The following USP37 variants were observed in gnomAD, a reference collection of about 807,000 sequenced individuals.
USP37 encodes ubiquitin carboxyl-terminal hydrolase 37.
A neutral mutation model predicts 124.0 loss-of-function variants in USP37; 27 were observed. The observed-to-expected ratio is 0.22, with a 90% CI of 0.16 to 0.30. The LOEUF is 0.30. Among genes scored for constraint, USP37 ranks in the 10% least tolerant of loss-of-function variants. The probability of loss-of-function intolerance (pLI) is 1.00; values close to 1 mark genes in which losing one functional copy is unlikely to be tolerated. For missense variants in USP37, 889 were observed against 1,140.4 expected (o/e 0.78, Z 3.17); for synonymous variants, 365 against 388.0 (o/e 0.94, Z 0.70).
chr2:218,457,283 A>G (rs550116617), intron 23 of USP37, 122 bp from the exon 24 acceptor site: 111 of 947,986 alleles, frequency 1.2e-4, no homozygotes, highest in Non-Finnish European at 1.7e-4. Flanking sequence ...GTAAGAATCA[A>G]TTAAAAAATC....
intron 21 of USP37, 125 bp downstream of exon 21, chr2:218,465,885 T>C (rs1387446663): frequency 8.0e-6 from 10 of 1,252,102 alleles, no homozygotes; most frequent in Non-Finnish European, 1.1e-5. Flanking sequence ...CCCCAATGAC[T>C]TACTCTATGT....
intron 1 of USP37, among the ~76,000 whole-genome samples, chr2:218,564,741 T>A (rs567802152): frequency 4.6e-5 from 7 of 152,118 alleles, no homozygotes. Context: ...CAAACACTTG[T>A]TAAGTGCTAA....
At position 218,461,090 on chromosome 2, in the gene USP37, C is replaced by A. The variant is rs146128828; in HGVS notation, c.2528-1185G>T. Among the ~76,000 whole-genome samples, 9 of 152,312 alleles carry A rather than the reference C, an allele frequency of 5.9e-5. 1 individual carries two copies. The East Asian group carries it at 1.7e-3, about 29-fold the overall frequency. On this transcript the variant is annotated intron_variant, in intron 22 of 25. Transcript: ENST00000258399. Reference sequence around the variant, plus strand: ...AATAATACGTGTCCACTGGAAGCATCCATCTTTACTAATGGTGTTAAATAA... The same window carrying A: ...AATAATACGTGTCCACTGGAAGCATACATCTTTACTAATGGTGTTAAATAA...
chr2:218,463,676 C>T lies in USP37; in HGVS notation c.2467-310G>A, dbSNP rs373694178. Among the ~76,000 whole-genome samples, 63 of 151,340 alleles carry T rather than the reference C, an allele frequency of 4.2e-4. No individual in the cohort carries two copies. The East Asian group carries it at 0.012, about 29-fold the overall frequency. ...TCAGCCTCCCAAGTAGCTGGGACTA[C>T]AGGCGCCCGCCACCACGTCTAGCTA... On this transcript the variant is annotated intron_variant, in intron 21 of 25. Coordinates refer to ENST00000258399, the MANE Select transcript of USP37 (RefSeq NM_020935.3).
intron 21 of USP37, among the ~76,000 whole-genome samples, chr2:218,463,941 T>C (rs1361723198): frequency 6.7e-6 from 1 of 148,214 alleles, no homozygotes; most frequent in Non-Finnish European, 1.5e-5. Flanking sequence ...CTGCATCCTC[T>C]ACCTCCCAGG....
At chr2:218,509,570 T>A (rs1418570896) in intron 11 of USP37, among the ~76,000 whole-genome samples, 1 of 151,842 alleles carries the variant, frequency 6.6e-6, no homozygotes, top group Non-Finnish European at 1.5e-5. Flanking sequence ...CATAGTGAGA[T>A]CCCATTTCTA....
At chr2:218,534,318 G>A (rs187769010) in intron 9 of USP37, among the ~76,000 whole-genome samples, 1 of 152,060 alleles carries the variant, frequency 6.6e-6, no homozygotes, top group Non-Finnish European at 1.5e-5. Flanking sequence ...GTGAAATCTC[G>A]TCTCCACTAA....
chr2:218,484,165 A>T (rs573555), intron 16 of USP37, among the ~76,000 whole-genome samples: 1 of 151,836 alleles, frequency 6.6e-6, no homozygotes, highest in East Asian at 1.9e-4. Flanking sequence ...TTTGAAAAAA[A>T]CAAAAAACAC....
intron 8 of USP37, among the ~76,000 whole-genome samples, chr2:218,535,956 C>T (rs1348338945): frequency 7.8e-6 from 1 of 127,930 alleles, no homozygotes; most frequent in Non-Finnish European, 1.6e-5. Flanking sequence ...GCAGAGGTTG[C>T]AGTGAGCCAG....
At chr2:218,517,943 T>C (rs1327865401) in intron 10 of USP37, among the ~76,000 whole-genome samples, 1 of 152,104 alleles carries the variant, frequency 6.6e-6, no homozygotes, top group East Asian at 1.9e-4. Context: ...ACTAATTCTC[T>C]CAATTACTAT....
intron 20 of USP37, among the ~76,000 whole-genome samples, chr2:218,469,747 A>T (rs1559166995): frequency 6.6e-6 from 1 of 151,974 alleles, no homozygotes; most frequent in African/African-American, 2.4e-5. Context: ...CATGGCCATG[A>T]AATAATAATC....
At chr2:218,516,431 A>G (rs1048387649) in intron 10 of USP37, among the ~76,000 whole-genome samples, 4 of 152,108 alleles carry the variant, frequency 2.6e-5, no homozygotes, top group African/African-American at 9.7e-5. Flanking sequence ...TCAGCAAACT[A>G]ACACAGGAAC....
At chr2:218,547,575 T>C (rs1182676808) in intron 6 of USP37, among the ~76,000 whole-genome samples, 2 of 138,998 alleles carry the variant, frequency 1.4e-5, no homozygotes, top group African/African-American at 2.9e-5. Context: ...CTGCTTTGAA[T>C]TACTAACCAA....
intron 22 of USP37, among the ~76,000 whole-genome samples, chr2:218,462,222 C>A (rs1045282567): frequency 1.3e-5 from 2 of 152,006 alleles, no homozygotes; most frequent in Non-Finnish European, 2.9e-5. Context: ...ATAGTCCCAG[C>A]TACTCAGGAG....
intron 10 of USP37, among the ~76,000 whole-genome samples, chr2:218,511,936 A>G (rs978125697): frequency 6.6e-6 from 1 of 151,722 alleles, no homozygotes; most frequent in African/African-American, 2.4e-5. Context: ...CCTTCTATTT[A>G]GGTCTTCAAT....
rs1026211920 is a variant in USP37, at chr2:218,466,274, A to G, written c.2300-98T>C. On this transcript the variant is annotated intron_variant, in intron 20 of 25. Transcript: ENST00000258399. ...ACTGTTCATAAAGCAATTTACCCTAATTTCATCTATAATTTGCTTAGGACA... is the reference window on the plus strand; with the variant it reads ...ACTGTTCATAAAGCAATTTACCCTAGTTTCATCTATAATTTGCTTAGGACA... The G allele has an allele frequency of 4.6e-6, 6 of 1,301,654 alleles. No individual in the cohort carries two copies. The African/African-American group carries it at 7.4e-5, about 16-fold the overall frequency. The allele number at this position is 1,301,654 out of a possible 1,614,324, so 80.6% of individuals were successfully genotyped here. A position where few individuals can be genotyped will look rare whatever the true frequency, so the allele number is the denominator to read the frequency against.
At chr2:218,524,178 T>A (rs1690821378) in intron 10 of USP37, among the ~76,000 whole-genome samples, 1 of 152,208 alleles carries the variant, frequency 6.6e-6, no homozygotes, top group African/African-American at 2.4e-5. Context: ...TATTTTGGAT[T>A]TTTCTGTGTT....
At position 218,451,020 on chromosome 2, in the gene USP37, T is replaced by C. The variant is rs976226093; in HGVS notation, c.*3910A>G. 3 of 152,148 alleles carry C rather than the reference T, an allele frequency of 2.0e-5. No individual in the cohort carries two copies. The highest frequency in any genetic ancestry group is 7.2e-5 in the African/African-American group (3 of 41,430). The allele number at this position is 152,148 out of a possible 1,614,324, so 9.4% of individuals were successfully genotyped here. On this transcript the variant is annotated 3_prime_UTR_variant, in exon 26 of 26. Coordinates refer to ENST00000258399, the MANE Select transcript of USP37 (RefSeq NM_020935.3). ...GTGGTTAAACACAGCAAAATAATTG[T>C]CACAAAACTTTCAAGGCCTAACAAA...
At chr2:218,543,375 G>A (rs778079762) in intron 8 of USP37, among the ~76,000 whole-genome samples, 1 of 151,776 alleles carries the variant, frequency 6.6e-6, no homozygotes, top group Non-Finnish European at 1.5e-5. Flanking sequence ...GGTGGTGCAC[G>A]CCTGTAATCC....
Sources: allele counts gnomAD v4.1 joint callset (sites outside exome capture counted in the v4.1 genomes callset), GRCh38; gene constraint gnomAD v4.1.1; transcripts MANE v1.5; gene names NCBI Gene and HGNC (gene_info 2026-07-23, HGNC 2026-07-21).